PLXDC2: variants seen among roughly 807,000 people sequenced by gnomAD.
PLXDC2 encodes the protein plexin domain containing 2.
Under a neutral mutation model 68.9 loss-of-function variants are expected in PLXDC2, and 40 were observed. The observed-to-expected ratio is 0.58, with a 90% CI of 0.45 to 0.76. The LOEUF is 0.76. Ranked by LOEUF, PLXDC2 falls within the 30% of genes least tolerant of loss-of-function variation. The probability of loss-of-function intolerance (pLI) is 0.00; values close to 1 mark genes in which losing one functional copy is unlikely to be tolerated. For missense variants in PLXDC2, 644 were observed against 661.9 expected, an observed-to-expected ratio of 0.97 and a Z score of 0.30; for synonymous variants, 243 against 234.2, an observed-to-expected ratio of 1.04 and a Z score of -0.34.
chr10:20,106,485 C>G (rs1404090996), intron 4 of PLXDC2, among the ~76,000 whole-genome samples: 1 of 152,148 alleles, frequency 6.6e-6, no homozygotes, highest in Admixed American at 6.5e-5. Context: ...TGTGATATCC[C>G]TTGAGATGGT....
At chr10:19,937,630 G>A (rs897724312) in intron 1 of PLXDC2, among the ~76,000 whole-genome samples, 19 of 142,156 alleles carry the variant, frequency 1.3e-4, no homozygotes, top group Non-Finnish European at 2.4e-4. Context: ...TCAGAATATT[G>A]TCCCAACATA....
At chr10:20,091,091 G>A (rs1833270212) in intron 4 of PLXDC2, among the ~76,000 whole-genome samples, 1 of 152,086 alleles carries the variant, frequency 6.6e-6, no homozygotes, top group Non-Finnish European at 1.5e-5. Flanking sequence ...ATCAATATGT[G>A]ATATGTTCAG....
intron 1 of PLXDC2, among the ~76,000 whole-genome samples, chr10:19,982,797 A>G (rs1402839519): frequency 6.6e-6 from 1 of 152,170 alleles, no homozygotes; most frequent in Non-Finnish European, 1.5e-5. Flanking sequence ...AAGGAAATAA[A>G]CTAAATAACC....
rs540107684 is a variant in PLXDC2 at position 20,227,175 on chromosome 10, C to G, written c.1312+8073C>G. 7.2e-5 allele frequency among the ~76,000 whole-genome samples: 11 copies of G among 152,122 alleles called. No individual in the cohort carries two copies. In the South Asian group the frequency reaches 2.3e-3, roughly 32 times the overall value. On this transcript the variant is annotated intron_variant, in intron 12 of 13. Coordinates refer to ENST00000377252, the MANE Select transcript of PLXDC2 (RefSeq NM_032812.9). ...GAAACATTTCTTCAACTATTGTGTA[C>G]CAGGCCCATTGTTAGGTGATGCAGA...
At chr10:19,823,753 G>A (rs778382363) in intron 1 of PLXDC2, among the ~76,000 whole-genome samples, 3 of 152,172 alleles carry the variant, frequency 2.0e-5, no homozygotes, top group Non-Finnish European at 2.9e-5. Context: ...TTGGGAGGCC[G>A]AGACAGGGGG....
chr10:19,953,812 A>G (rs1200482251), intron 1 of PLXDC2, among the ~76,000 whole-genome samples: 1 of 152,206 alleles, frequency 6.6e-6, no homozygotes, highest in Non-Finnish European at 1.5e-5. Context: ...TGTGAAATGA[A>G]AAGAAACCAG....
chr10:20,073,912 A>G (rs1038032723), intron 4 of PLXDC2, among the ~76,000 whole-genome samples: 1 of 152,174 alleles, frequency 6.6e-6, no homozygotes, highest in Non-Finnish European at 1.5e-5. Flanking sequence ...AATAGCTATC[A>G]CTAGGAATGA....
intron 9 of PLXDC2, 54 bp downstream of exon 9, chr10:20,177,463 A>G: frequency 1.0e-6 from 1 of 961,744 alleles, no homozygotes; most frequent in Non-Finnish European, 1.4e-6. Context: ...ATTTTAAAAG[A>G]TTAGAAATTA....
At chr10:19,960,895 A>G (rs1363627797) in intron 1 of PLXDC2, among the ~76,000 whole-genome samples, 1 of 152,218 alleles carries the variant, frequency 6.6e-6, no homozygotes, top group Non-Finnish European at 1.5e-5. Context: ...CCTGGAAACT[A>G]AGAATATAAA....
At chr10:20,126,485 C>CACACGTTATATACGTATATAGA (rs1225168653) in intron 4 of PLXDC2, among the ~76,000 whole-genome samples, 5 of 15,806 alleles carry the variant, frequency 3.2e-4, no homozygotes, top group African/African-American at 1.3e-3. Context: ...GTATATATAA[C>CACACGTTATATACGTATATAGA]ACACACGTTA....
intron 4 of PLXDC2, among the ~76,000 whole-genome samples, chr10:20,090,143 T>C (rs1487227459): frequency 2.6e-5 from 4 of 152,194 alleles, no homozygotes; most frequent in Admixed American, 2.6e-4. Context: ...ATGTTCATGG[T>C]GGTTCAGCAG....
intron 2 of PLXDC2, among the ~76,000 whole-genome samples, chr10:20,028,086 G>C (rs938712206): frequency 3.3e-5 from 5 of 152,280 alleles, no homozygotes; most frequent in African/African-American, 1.2e-4. Flanking sequence ...CTAAAGTCTT[G>C]GCTTGGGCAT....
chr10:20,286,350 G>C lies in PLXDC2; in HGVS notation c.*6531G>C, dbSNP rs1332961642. 1 of 152,036 alleles carries C rather than the reference G, an allele frequency of 6.6e-6. No individual in the cohort carries two copies. The highest frequency in any genetic ancestry group is 1.5e-5 in the Non-Finnish European group (1 of 68,022). The allele number at this position is 152,036 out of a possible 1,614,324, so 9.4% of individuals were successfully genotyped here. On this transcript the variant is annotated 3_prime_UTR_variant, in exon 14 of 14. Coordinates refer to ENST00000377252, the MANE Select transcript of PLXDC2 (RefSeq NM_032812.9). ...AACATTTGCAAATTACTCAATAAAT[G>C]TCTTTCATAATGGAATAACATAAAA...
chr10:19,942,857 G>T (rs1833841234), intron 1 of PLXDC2, among the ~76,000 whole-genome samples: 1 of 152,142 alleles, frequency 6.6e-6, no homozygotes, highest in Admixed American at 6.5e-5. Context: ...CTACTTTCTG[G>T]TGTATATTAT....
Position 20,212,913 on chromosome 10 carries a change from A to G in PLXDC2, c.1122+1184A>G, listed in dbSNP as rs368175884. Among the ~76,000 whole-genome samples, 11 of 152,150 alleles carry G rather than the reference A, an allele frequency of 7.2e-5. No homozygotes were observed. The East Asian group carries it at 7.7e-4, about 11-fold the overall frequency. ...TTCTTTCATATAATCAGTTACCTCA[A>G]TATAAAATGTTGAAAATGAATATCT... is the stretch of plus-strand genomic sequence containing the variant. On this transcript the variant is annotated intron_variant, in intron 10 of 13. Coordinates refer to ENST00000377252, the MANE Select transcript of PLXDC2 (RefSeq NM_032812.9).
intron 1 of PLXDC2, among the ~76,000 whole-genome samples, chr10:19,994,450 T>C (rs190967635): frequency 1.6e-3 from 244 of 148,808 alleles, no homozygotes; most frequent in African/African-American, 5.8e-3. Flanking sequence ...AACCTCAGCC[T>C]CCCACATAGC....
chr10:20,194,257 T>G (rs997613472), intron 9 of PLXDC2, among the ~76,000 whole-genome samples: 6 of 149,680 alleles, frequency 4.0e-5, no homozygotes, highest in African/African-American at 1.5e-4. Context: ...ATGAAGTTTT[T>G]AAAATATTAA....
chr10:20,225,163 A>T (rs1203710376), intron 12 of PLXDC2, among the ~76,000 whole-genome samples: 1 of 152,186 alleles, frequency 6.6e-6, no homozygotes, highest in Admixed American at 6.5e-5. Context: ...TCTATTTCTG[A>T]AGATATCATA....
intron 1 of PLXDC2, among the ~76,000 whole-genome samples, chr10:19,918,332 A>T (rs1463189538): frequency 2.0e-5 from 3 of 152,164 alleles, no homozygotes; most frequent in African/African-American, 7.2e-5. Flanking sequence ...TAGTTGAGAA[A>T]ATGCTTTGCA....
Sources: gnomAD v4.1 joint callset for allele counts (sites outside exome capture counted in the v4.1 genomes callset) on GRCh38, gnomAD v4.1.1 for gene constraint, MANE v1.5 for transcripts, NCBI Gene and HGNC (gene_info 2026-07-23, HGNC 2026-07-21) for gene names.